Variants in XIRP2 observed in about 807,000 individuals in gnomAD.
The protein encoded by XIRP2 is xin actin-binding repeat-containing protein 2.
Under a neutral mutation model 277.0 loss-of-function variants are expected in XIRP2, and 236 were observed. That is an observed-to-expected ratio of 0.85 (90% CI 0.77 to 0.95). The LOEUF (loss-of-function observed/expected upper bound fraction) is 0.95, where lower values mean the gene tolerates loss of function less well. Among genes scored for constraint, XIRP2 ranks in the 40% least tolerant of loss-of-function variants. XIRP2 has a pLI of 0.00. For synonymous variants in XIRP2, 1,490 were observed against 1,416.5 expected (o/e 1.05, Z -1.17); for missense variants, 4,640 against 4,157.5 (o/e 1.12, Z -3.19).
chr2:167,185,431 C>T (rs555298629), intron 3 of XIRP2, among the ~76,000 whole-genome samples: 90 of 152,008 alleles, frequency 5.9e-4, no homozygotes, highest in African/African-American at 2.1e-3. Context: ...TTATCAAATA[C>T]ACTTTTTTCC....
At chr2:167,022,004 A>G (rs1471583781) in intron 2 of XIRP2, among the ~76,000 whole-genome samples, 3 of 152,134 alleles carry the variant, frequency 2.0e-5, no homozygotes, top group Non-Finnish European at 4.4e-5. Flanking sequence ...TAAAGATTAA[A>G]CTATGAGGTA....
chr2:167,201,350 A>C (rs1693712641), intron 3 of XIRP2, among the ~76,000 whole-genome samples: 1 of 151,646 alleles, frequency 6.6e-6, no homozygotes, highest in Non-Finnish European at 1.5e-5. Context: ...GGAAAGAAGG[A>C]AGGAAGGAAG....
intron 2 of XIRP2, among the ~76,000 whole-genome samples, chr2:167,119,364 CAAATGT>C (rs1690987734): frequency 6.6e-6 from 1 of 152,050 alleles, no homozygotes; most frequent in Non-Finnish European, 1.5e-5. Context: ...CAGACAAATA[CAAATGT>C]AAAGTCAAAG....
At chr2:167,086,416 G>T (rs993213592) in intron 2 of XIRP2, among the ~76,000 whole-genome samples, 1 of 152,000 alleles carries the variant, frequency 6.6e-6, no homozygotes, top group African/African-American at 2.4e-5. Context: ...TGACAATTAT[G>T]TGTCTTGGAG....
intron 2 of XIRP2, among the ~76,000 whole-genome samples, chr2:166,986,318 T>A (rs1302024786): frequency 1.3e-5 from 2 of 152,206 alleles, no homozygotes; most frequent in Non-Finnish European, 2.9e-5. Flanking sequence ...AATTAACATC[T>A]CAAAATCTCT....
chr2:167,070,937 T>C (rs1347256054), intron 2 of XIRP2, among the ~76,000 whole-genome samples: 1 of 152,214 alleles, frequency 6.6e-6, no homozygotes, highest in Non-Finnish European at 1.5e-5. Flanking sequence ...TAAGCATTTG[T>C]CCACATTATA....
intron 2 of XIRP2, among the ~76,000 whole-genome samples, chr2:167,111,816 T>C (rs976741585): frequency 1.4e-4 from 22 of 152,086 alleles, no homozygotes; most frequent in African/African-American, 4.1e-4. Flanking sequence ...TTCTGGTTGG[T>C]AGGCTTTTTA....
intron 2 of XIRP2, among the ~76,000 whole-genome samples, chr2:167,015,816 T>G (rs544474472): frequency 6.6e-6 from 1 of 151,912 alleles, no homozygotes; most frequent in South Asian, 2.1e-4. Context: ...CTTTCCTAAG[T>G]TGTCTTCTTC....
chr2:166,894,510 T>A (rs541928971), intron 1 of XIRP2, among the ~76,000 whole-genome samples: 23 of 152,264 alleles, frequency 1.5e-4, no homozygotes, highest in African/African-American at 4.6e-4. Flanking sequence ...AGGTACCTAT[T>A]AAAAATGCAC....
chr2:167,249,470 T>C lies in XIRP2; in HGVS notation c.8078T>C (p.Leu2693Ser). Residue 2693 changes from leucine to serine, a missense_variant, in exon 9 of 11, where the codon TTG becomes TCG. Coordinates refer to ENST00000409195, the MANE Select transcript of XIRP2 (RefSeq NM_152381.6). ...CAACAAACACAACAGAAGAAGTATT[T>C]GGAGCAGTTGCACTTGCCCCAAAGC... is the stretch of plus-strand genomic sequence containing the variant. The part of the protein sequence containing the change: ...STQQTQQKKY[L>S]EQLHLPQSKP... 6.2e-7 allele frequency: 1 copy of C among 1,613,852 alleles called. No homozygotes were observed. Among genetic ancestry groups the C allele is most frequent in the Non-Finnish European group, 8.5e-7 (1 of 1,179,832 alleles).
At chr2:167,124,808 T>A (rs1270896795) in intron 2 of XIRP2, among the ~76,000 whole-genome samples, 1 of 152,112 alleles carries the variant, frequency 6.6e-6, no homozygotes, top group Non-Finnish European at 1.5e-5. Context: ...AGCGGGGCAT[T>A]CAGAGGAGGT....
At chr2:167,150,546 A>T (rs1171370888) in intron 3 of XIRP2, among the ~76,000 whole-genome samples, 2 of 152,060 alleles carry the variant, frequency 1.3e-5, no homozygotes. Context: ...TGATTCATCC[A>T]TTACCTAAAT....
chr2:167,053,980 A>T (rs1337984535), intron 2 of XIRP2, among the ~76,000 whole-genome samples: 1 of 152,214 alleles, frequency 6.6e-6, no homozygotes, highest in Non-Finnish European at 1.5e-5. Context: ...ATGGTTCAAG[A>T]ATTGTGTTAT....
intron 2 of XIRP2, among the ~76,000 whole-genome samples, chr2:167,077,875 T>C (rs1689614658): frequency 6.6e-6 from 1 of 152,204 alleles, no homozygotes; most frequent in African/African-American, 2.4e-5. Context: ...AAATAGACTA[T>C]TGGCGTATAG....
intron 2 of XIRP2, among the ~76,000 whole-genome samples, chr2:166,998,191 C>T (rs1687275950): frequency 6.6e-6 from 1 of 152,092 alleles, no homozygotes; most frequent in Admixed American, 6.5e-5. Context: ...CATACGCATG[C>T]AAATCACCAC....
chr2:167,059,873 C>T (rs1021261158), intron 2 of XIRP2, among the ~76,000 whole-genome samples: 30 of 152,320 alleles, frequency 2.0e-4, no homozygotes, highest in Admixed American at 5.2e-4. Flanking sequence ...TTTACAACAG[C>T]TTACACAGTG....
chr2:167,250,787 G>C lies in XIRP2; in HGVS notation c.9395G>C (p.Arg3132Pro). Residue 3132 changes from arginine to proline, a missense_variant, in exon 9 of 11, where the codon CGA becomes CCA. Arg to Pro is a moderately radical substitution (Grantham distance 103, BLOSUM62 -2). Transcript: ENST00000409195. ...ATCACAATAGAATCTACTGCCCGACGAACAGAAAACCCTACTAAGAACGAG... is the reference window on the plus strand; with the variant it reads ...ATCACAATAGAATCTACTGCCCGACCAACAGAAAACCCTACTAAGAACGAG... ...TFITIESTAR[R>P]TENPTKNELS... 1.9e-6 allele frequency: 3 copies of C among 1,612,992 alleles called. No individual in the cohort carries two copies. The highest frequency in any genetic ancestry group is 2.5e-6 in the Non-Finnish European group (3 of 1,179,580).
intron 2 of XIRP2, among the ~76,000 whole-genome samples, chr2:166,979,773 T>G (rs1420413769): frequency 6.6e-6 from 1 of 152,158 alleles, no homozygotes; most frequent in Non-Finnish European, 1.5e-5. Flanking sequence ...ATACATTGAT[T>G]AATTTCGATT....
chr2:166,999,081 TA>T (rs1430459619), intron 2 of XIRP2, among the ~76,000 whole-genome samples: 1 of 151,934 alleles, frequency 6.6e-6, no homozygotes, highest in Non-Finnish European at 1.5e-5. Context: ...ATTCTGTATT[TA>T]AAATCATATA....
Sources: gnomAD v4.1 joint callset for allele counts (sites outside exome capture counted in the v4.1 genomes callset) on GRCh38, gnomAD v4.1.1 for gene constraint, MANE v1.5 for transcripts, NCBI Gene and HGNC (gene_info 2026-07-23, HGNC 2026-07-21) for gene names.